WBP4: variants seen among roughly 807,000 people sequenced by gnomAD.
The protein encoded by WBP4 is WW domain-binding protein 4.
WBP4 carries 37 observed loss-of-function variants against 55.4 expected under a neutral mutation model. The ratio of observed to expected loss-of-function variants is 0.67; its 90% CI spans 0.51 to 0.88. The LOEUF is 0.88. Among genes scored for constraint, WBP4 ranks in the 40% least tolerant of loss-of-function variants. The pLI is 0.00. For synonymous variants in WBP4, 142 were observed against 140.2 expected (o/e 1.01, Z -0.09); for missense variants, 398 against 420.8 (o/e 0.95, Z 0.47).
chr13:41,061,568 G>T lies in WBP4; in HGVS notation c.-106G>T. 1 of 1,561,472 alleles carries T rather than the reference G, an allele frequency of 6.4e-7. No homozygotes were observed. The highest frequency in any genetic ancestry group is 8.8e-7 in the Non-Finnish European group (1 of 1,136,856). ...CTGAGTAAGGTGTCTGGATCGGAGG[G>T]AGGTTCGGGTGGGCATCGGGCGGCT... On this transcript the variant is annotated 5_prime_UTR_variant, in exon 1 of 10. Coordinates refer to ENST00000379487, the MANE Select transcript of WBP4 (RefSeq NM_007187.5).
At chr13:41,067,055 C>T (rs1265969253) in intron 4 of WBP4, among the ~76,000 whole-genome samples, 1 of 152,134 alleles carries the variant, frequency 6.6e-6, no homozygotes, top group Non-Finnish European at 1.5e-5. Context: ...GTGGCAAAAT[C>T]ATGGCTCACT....
In WBP4 at chr13:41,065,176, A is replaced by C; in HGVS notation, c.151A>C (p.Ser51Arg). The C allele has an allele frequency of 6.2e-7, 1 of 1,612,614 alleles. No homozygotes were observed. The highest frequency in any genetic ancestry group is 8.5e-7 in the Non-Finnish European group (1 of 1,179,498). ...ATGTCTTACATAGATTAAACAGAAA[A>C]GCCTGGATAAGGCAAAGGAAGAAGA... ...AKRISEIKQK[S>R]LDKAKEEEKA... The change falls in exon 4 of 10, where the codon AGC (serine) becomes CGC (arginine). Residue 51 changes from serine to arginine, a missense_variant. Physicochemically the swap from Ser to Arg is moderately radical, Grantham distance 110 (BLOSUM62 -1). Coordinates refer to ENST00000379487, the MANE Select transcript of WBP4 (RefSeq NM_007187.5).
At chr13:41,069,011 T>C (rs1878111441) in intron 5 of WBP4, among the ~76,000 whole-genome samples, 1 of 152,180 alleles carries the variant, frequency 6.6e-6, no homozygotes. Context: ...CTTCTGTAAG[T>C]ATAAACTACA....
intron 9 of WBP4, among the ~76,000 whole-genome samples, chr13:41,082,242 A>G (rs930558469): frequency 2.0e-5 from 3 of 152,134 alleles, no homozygotes; most frequent in East Asian, 3.9e-4. Context: ...CCTCTCGAGT[A>G]GCTGGGACTG....
intron 4 of WBP4, among the ~76,000 whole-genome samples, chr13:41,068,110 G>A (rs1406553971): frequency 2.0e-5 from 3 of 152,036 alleles, no homozygotes; most frequent in South Asian, 4.1e-4. Flanking sequence ...ATATTGCATA[G>A]TGATGGAATC....
At chr13:41,063,950 A>G (rs1199832457) in intron 2 of WBP4, among the ~76,000 whole-genome samples, 1 of 152,060 alleles carries the variant, frequency 6.6e-6, no homozygotes, top group Non-Finnish European at 1.5e-5. Context: ...TTCTTACTGC[A>G]TTTAACTAGA....
intron 4 of WBP4, 23 bp downstream of exon 4, chr13:41,065,310 A>G (rs889108488): frequency 8.0e-6 from 12 of 1,505,162 alleles, no homozygotes; most frequent in African/African-American, 4.3e-5. Context: ...AAAAAAAAAA[A>G]GCAGCCAGCA....
At chr13:41,078,484 A>G (rs904297881) in intron 8 of WBP4, among the ~76,000 whole-genome samples, 1 of 152,238 alleles carries the variant, frequency 6.6e-6, no homozygotes. Flanking sequence ...CATGTACAAA[A>G]GTTAAGATGG....
At position 41,076,862 on chromosome 13, in the gene WBP4, T is replaced by C. The variant is rs566347413; in HGVS notation, c.756+625T>C. ...ATCTTGATGGAACTTAGAGTAAGGG[T>C]TATGTGCAGTTTACAGAGGAGCAGC... On this transcript the variant is annotated intron_variant, in intron 8 of 9. Coordinates refer to ENST00000379487, the MANE Select transcript of WBP4 (RefSeq NM_007187.5). 2.0e-5 allele frequency among the ~76,000 whole-genome samples: 3 copies of C among 152,306 alleles called. No individual in the cohort carries two copies. The East Asian group carries it at 5.8e-4, about 29-fold the overall frequency.
chr13:41,076,362 T>G (rs1878494926), intron 8 of WBP4, 125 bp downstream of exon 8: 1 of 715,228 alleles, frequency 1.4e-6, no homozygotes, highest in Non-Finnish European at 2.1e-6. Context: ...CACTGTAACC[T>G]CCACCTTCCG....
In WBP4 at chr13:41,072,772, C is replaced by T. The variant is rs774179770; in HGVS notation, c.487-10C>T. ...CCTTAGTTTATGCTGGGTTTTTTTCCTCCTATTAGACAGCAGTGAAGACCG... is the reference window on the plus strand; with the variant it reads ...CCTTAGTTTATGCTGGGTTTTTTTCTTCCTATTAGACAGCAGTGAAGACCG... On this transcript the variant is annotated splice_polypyrimidine_tract_variant and intron_variant, in intron 6 of 9. Coordinates refer to ENST00000379487, the MANE Select transcript of WBP4 (RefSeq NM_007187.5). 2 of 1,609,758 alleles carry T rather than the reference C, an allele frequency of 1.2e-6. No homozygotes were observed. Among genetic ancestry groups the T allele is most frequent in the Admixed American group, 1.7e-5 (1 of 58,984 alleles).
intron 8 of WBP4, among the ~76,000 whole-genome samples, chr13:41,078,884 C>T (rs1470730535): frequency 2.0e-5 from 3 of 151,618 alleles, no homozygotes; most frequent in Non-Finnish European, 4.4e-5. Context: ...AGGAAAAACT[C>T]ATCTGGTCAT....
chr13:41,062,852 C>T (rs1297843015), intron 2 of WBP4, 136 bp downstream of exon 2: 20 of 623,462 alleles, frequency 3.2e-5, no homozygotes, highest in Non-Finnish European at 4.6e-5. Context: ...AGATTTCTGT[C>T]TTCTCAGTCC....
At chr13:41,071,661 T>C in intron 6 of WBP4, 88 bp downstream of exon 6, 1 of 1,220,216 alleles carries the variant, frequency 8.2e-7, no homozygotes, top group Non-Finnish European at 1.2e-6. Context: ...TAAGCAACTT[T>C]ATTTACAAAT....
chr13:41,062,755 G>T (rs1289865012), intron 2 of WBP4, 39 bp downstream of exon 2: 3 of 1,568,646 alleles, frequency 1.9e-6, no homozygotes, highest in Non-Finnish European at 2.6e-6. Context: ...AATAATAATT[G>T]TGTTGAATGA....
intron 4 of WBP4, among the ~76,000 whole-genome samples, chr13:41,067,097 T>C (rs373649110): frequency 6.6e-6 from 1 of 152,106 alleles, no homozygotes; most frequent in South Asian, 2.1e-4. Context: ...CCAGTGATCC[T>C]CCCACCTCAG....
In WBP4 at chr13:41,078,705, T is replaced by G. The variant is rs9562272; in HGVS notation, c.757-1941T>G. The stretch of plus-strand genomic sequence containing the variant: ...AGCTGGGTGTCCTGGCGCATGCCTG[T>G]AATCCCAGCTACTTGGGAGGCTGAG... On this transcript the variant is annotated intron_variant, in intron 8 of 9. Coordinates refer to ENST00000379487, the MANE Select transcript of WBP4 (RefSeq NM_007187.5). 2.7e-3 allele frequency among the ~76,000 whole-genome samples: 416 copies of G among 152,226 alleles called. 8 individuals carry two copies. The East Asian group carries it at 0.049, about 18-fold the overall frequency.
chr13:41,082,725 T>G lies in WBP4; in HGVS notation c.942T>G (p.Leu314=), dbSNP rs1433938423. The G allele has an allele frequency of 1.9e-6, 3 of 1,613,896 alleles. No homozygotes were observed. The African/African-American group carries it at 4.0e-5, about 22-fold the overall frequency. The change falls in exon 10 of 10, where the codon CTT becomes CTG. Residue 314 remains leucine, a synonymous_variant. Transcript: ENST00000379487. ...CCAGTGAGGAGGTAGATTTGGAACT[T>G]CCAAGCACTGAAAATGAGTATGTAT... ...VESHEEVDLE[L]PSTENEYVST...
chr13:41,077,472 A>C (rs1878551232), intron 8 of WBP4, among the ~76,000 whole-genome samples: 2 of 152,128 alleles, frequency 1.3e-5, no homozygotes, highest in Admixed American at 6.6e-5. Context: ...ATGCTGGATG[A>C]CAGACCAAGA....
Sources: allele counts gnomAD v4.1 joint callset (sites outside exome capture counted in the v4.1 genomes callset), GRCh38; gene constraint gnomAD v4.1.1; transcripts MANE v1.5; gene names NCBI Gene and HGNC (gene_info 2026-07-23, HGNC 2026-07-21).